The following PDE4D variants were observed in gnomAD, a reference collection of about 807,000 sequenced individuals.
PDE4D encodes phosphodiesterase 4D, also known as 3',5'-cyclic-AMP phosphodiesterase 4D.
A neutral mutation model predicts 87.4 loss-of-function variants in PDE4D; 24 were observed. That is an observed-to-expected ratio of 0.27 (90% CI 0.20 to 0.39). PDE4D has a LOEUF of 0.39. PDE4D is among the 10% of genes least tolerant of loss of function. The pLI is 1.00. For missense variants in PDE4D, 714 were observed against 1,041.0 expected, an observed-to-expected ratio of 0.69 and a Z score of 4.32; for synonymous variants, 384 against 383.2, an observed-to-expected ratio of 1.00 and a Z score of -0.02.
At chr5:59,592,131 C>T in intron 1 of PDE4D, 1 of 985,126 alleles carries the variant, frequency 1.0e-6, no homozygotes, top group Non-Finnish European at 1.2e-6. Flanking sequence ...CTCTATCTCA[C>T]CTTTACAGAA....
rs550046777 is a variant in PDE4D at position 59,274,408 on chromosome 5, A to G, written c.456-58440T>C. Among the ~76,000 whole-genome samples, 32 of 152,272 alleles carry G rather than the reference A, an allele frequency of 2.1e-4. 1 individual carries two copies. Among genetic ancestry groups the G allele is most frequent in the Admixed American group, 1.5e-3 (23 of 15,268 alleles). On this transcript the variant is annotated intron_variant, in intron 1 of 14. Coordinates refer to ENST00000340635, the MANE Select transcript of PDE4D (RefSeq NM_001104631.2). ...CCTGACGCAAATAATTTGAGTATTTACATGTGTGTTTGCCTGCTCACATGA... is the reference window on the plus strand; with the variant it reads ...CCTGACGCAAATAATTTGAGTATTTGCATGTGTGTTTGCCTGCTCACATGA...
intron 1 of PDE4D, among the ~76,000 whole-genome samples, chr5:59,349,801 C>A (rs1022232887): frequency 2.0e-5 from 3 of 152,054 alleles, no homozygotes. Flanking sequence ...TTTGCCAGAG[C>A]TCTGTGCTGG....
chr5:59,381,411 G>A (rs899702639), intron 1 of PDE4D, among the ~76,000 whole-genome samples: 2 of 152,020 alleles, frequency 1.3e-5, no homozygotes, highest in African/African-American at 2.4e-5. Flanking sequence ...ACTTAGGTGA[G>A]TAGATTAGTA....
At chr5:59,397,241 C>A (rs1315581332) in intron 1 of PDE4D, among the ~76,000 whole-genome samples, 2 of 121,184 alleles carry the variant, frequency 1.7e-5, no homozygotes, top group Non-Finnish European at 1.8e-5. Context: ...TAATAGACAT[C>A]TACAGAACTC....
rs1042677461 is a variant in PDE4D at position 59,588,938 on chromosome 5, A to T, written c.455+304230T>A. Among the ~76,000 whole-genome samples the T allele has an allele frequency of 2.6e-5, 4 of 152,226 alleles. No individual in the cohort carries two copies. The East Asian group carries it at 7.7e-4, about 29-fold the overall frequency. On this transcript the variant is annotated intron_variant, in intron 1 of 14. Coordinates refer to ENST00000340635, the MANE Select transcript of PDE4D (RefSeq NM_001104631.2). ...AACAAGCTTTGAATGTTTTGAATCA[A>T]GTAATTAAAATTTTGATATTATATT...
intron 1 of PDE4D, among the ~76,000 whole-genome samples, chr5:60,443,955 AC>A (rs1583789615): frequency 1.1e-5 from 1 of 89,572 alleles, no homozygotes; most frequent in African/African-American, 4.2e-5. Context: ...CACCCACCCT[AC>A]CCACCCACTC....
At chr5:59,273,161 T>C (rs1764155695) in intron 1 of PDE4D, among the ~76,000 whole-genome samples, 1 of 152,106 alleles carries the variant, frequency 6.6e-6, no homozygotes, top group Non-Finnish European at 1.5e-5. Flanking sequence ...GTCTCTCTCA[T>C]GGGAAGTCAA....
chr5:59,106,270 G>A (rs1771560773), intron 5 of PDE4D, among the ~76,000 whole-genome samples: 1 of 152,224 alleles, frequency 6.6e-6, no homozygotes, highest in Non-Finnish European at 1.5e-5. Context: ...CACATGTGTA[G>A]CTGGTATAGA....
At chr5:59,387,916 T>C (rs1000403845) in intron 1 of PDE4D, among the ~76,000 whole-genome samples, 4 of 152,102 alleles carry the variant, frequency 2.6e-5, no homozygotes, top group Non-Finnish European at 5.9e-5. Flanking sequence ...AACTGAAATT[T>C]TGTGTCCTTT....
intron 11 of PDE4D, among the ~76,000 whole-genome samples, chr5:58,981,647 G>A (rs931676465): frequency 6.6e-6 from 1 of 151,940 alleles, no homozygotes; most frequent in African/African-American, 2.4e-5. Flanking sequence ...TGGTCATATG[G>A]TCATAGCTGG....
At chr5:59,963,231 C>G (rs1759671656) in intron 3 of PDE4D, among the ~76,000 whole-genome samples, 1 of 152,158 alleles carries the variant, frequency 6.6e-6, no homozygotes, top group Non-Finnish European at 1.5e-5. Flanking sequence ...AGGTTATGCT[C>G]TCATTCTGTG....
intron 5 of PDE4D, among the ~76,000 whole-genome samples, chr5:59,094,366 C>G (rs112699810): frequency 1.8e-4 from 25 of 142,078 alleles, no homozygotes; most frequent in Admixed American, 5.6e-4. Context: ...AACAAAAAGA[C>G]AAAAAAGGAA....
In PDE4D at chr5:59,232,132, C is replaced by T. The variant is rs114599320; in HGVS notation, c.456-16164G>A. Among the ~76,000 whole-genome samples the T allele has an allele frequency of 5.4e-3, 827 of 152,104 alleles. 9 individuals are homozygous for T. Among genetic ancestry groups the T allele is most frequent in the African/African-American group, 0.019 (801 of 41,478 alleles). The stretch of plus-strand genomic sequence containing the variant: ...AGATCGAAATAGGCTTCCCTTAAGA[C>T]GTCAAAGCATTGCAACAAAAACAAA... On this transcript the variant is annotated intron_variant, in intron 1 of 14. Transcript: ENST00000340635.
intron 2 of PDE4D, among the ~76,000 whole-genome samples, chr5:60,051,106 C>A (rs1770094355): frequency 6.6e-6 from 1 of 152,068 alleles, no homozygotes; most frequent in East Asian, 1.9e-4. Flanking sequence ...ACTTTAACAC[C>A]CCACTGTCAA....
At chr5:60,354,703 A>G (rs1279363183) in intron 1 of PDE4D, among the ~76,000 whole-genome samples, 1 of 152,190 alleles carries the variant, frequency 6.6e-6, no homozygotes, top group Non-Finnish European at 1.5e-5. Flanking sequence ...GATGTTGCCC[A>G]GTACTAGGAC....
chr5:60,092,914 G>C (rs1327474742), intron 2 of PDE4D, among the ~76,000 whole-genome samples: 3 of 152,064 alleles, frequency 2.0e-5, no homozygotes, highest in African/African-American at 7.2e-5. Context: ...ACTGCATCGG[G>C]GTGAGCCTAG....
At chr5:60,168,682 A>G (rs1382784879) in intron 2 of PDE4D, among the ~76,000 whole-genome samples, 2 of 152,340 alleles carry the variant, frequency 1.3e-5, no homozygotes, top group South Asian at 4.1e-4. Flanking sequence ...CCTCAAGATT[A>G]CTTACATTAT....
intron 1 of PDE4D, among the ~76,000 whole-genome samples, chr5:59,394,376 C>T (rs1788897960): frequency 1.3e-5 from 2 of 152,174 alleles, no homozygotes; most frequent in Non-Finnish European, 2.9e-5. Flanking sequence ...ATTCTCTTCA[C>T]TCACATTTTT....
intron 1 of PDE4D, among the ~76,000 whole-genome samples, chr5:59,724,551 T>A (rs919737529): frequency 1.3e-5 from 2 of 152,040 alleles, no homozygotes; most frequent in East Asian, 1.9e-4. Context: ...AGAAAATACA[T>A]GTTTTTGTTT....
Sources: gnomAD v4.1 joint callset for allele counts (sites outside exome capture counted in the v4.1 genomes callset) on GRCh38, gnomAD v4.1.1 for gene constraint, MANE v1.5 for transcripts, NCBI Gene and HGNC (gene_info 2026-07-23, HGNC 2026-07-21) for gene names.